Variants in FUT8 observed in about 807,000 individuals in gnomAD.
The protein encoded by FUT8 is alpha-(1,6)-fucosyltransferase.
FUT8 carries 29 observed loss-of-function variants against 71.3 expected under a neutral mutation model. The observed-to-expected ratio is 0.41, with a 90% CI of 0.30 to 0.55. The LOEUF is 0.55. Among genes scored for constraint, FUT8 ranks in the 20% least tolerant of loss-of-function variants. FUT8 has a pLI of 0.34. For synonymous variants in FUT8, 254 were observed against 239.3 expected, an observed-to-expected ratio of 1.06 and a Z score of -0.57; for missense variants, 544 against 702.1, an observed-to-expected ratio of 0.77 and a Z score of 2.55.
chr14:65,593,007 TC>T, intron 3 of FUT8, among the ~76,000 whole-genome samples: 1 of 152,310 alleles, frequency 6.6e-6, no homozygotes, highest in East Asian at 1.9e-4. Context: ...TTTCTTCACA[TC>T]CTCTGAGATC....
chr14:65,449,485 AAT>A (rs1193390052), intron 1 of FUT8, among the ~76,000 whole-genome samples: 1 of 152,152 alleles, frequency 6.6e-6, no homozygotes, highest in Non-Finnish European at 1.5e-5. Flanking sequence ...AGTCACTTAG[AAT>A]ATCAATATCA....
intron 10 of FUT8, among the ~76,000 whole-genome samples, chr14:65,737,290 G>A (rs143301870): frequency 6.6e-6 from 1 of 152,148 alleles, no homozygotes; most frequent in African/African-American, 2.4e-5. Context: ...TCAAAGCCAA[G>A]TTTGTCCTAA....
At chr14:65,508,409 GT>G (rs760808483) in intron 2 of FUT8, among the ~76,000 whole-genome samples, 10 of 114,410 alleles carry the variant, frequency 8.7e-5, no homozygotes, top group African/African-American at 2.3e-4. Context: ...TTGTATGTCT[GT>G]TTTTTTTTTG....
the FUT8 span, among the ~76,000 whole-genome samples, chr14:65,397,975 G>A: frequency 9.2e-5 from 14 of 152,256 alleles, no homozygotes; most frequent in African/African-American, 3.1e-4. The surrounding 1 kb of genome is among the most constrained non-coding windows in gnomAD (Gnocchi z 4.2). Flanking sequence ...GCCTATTGAT[G>A]CCTTAAGTAA....
rs1324830023 is a variant in FUT8 at position 65,643,663 on chromosome 14, A to AAAT, written c.597+14058_597+14059insATA. On this transcript the variant is annotated intron_variant, in intron 6 of 10. Transcript: ENST00000673929. The surrounding 1 kb of genome is among the most constrained non-coding windows in gnomAD (Gnocchi z 4.5). Reference sequence around the variant, plus strand: ...AGCGAGACTCCGTCTTTAAAAAAAAAATACACACACACACACACACACACA... The same window carrying AAAT: ...AGCGAGACTCCGTCTTTAAAAAAAAAAATATACACACACACACACACACACACA... 5.6e-5 allele frequency among the ~76,000 whole-genome samples: 3 copies of AAAT among 53,898 alleles called. No individual in the cohort carries two copies. The South Asian group carries it at 2.1e-3, about 37-fold the overall frequency. 35.4% of individuals were successfully genotyped at this position (53,898 alleles called of 152,430 possible). A position where few individuals can be genotyped will look rare whatever the true frequency, so the allele number is the denominator to read the frequency against.
intron 7 of FUT8, among the ~76,000 whole-genome samples, chr14:65,712,477 T>C (rs1468694387): frequency 6.6e-6 from 1 of 152,214 alleles, no homozygotes; most frequent in African/African-American, 2.4e-5. Flanking sequence ...GAAGTTTCGC[T>C]CTATTGCCCA....
chr14:65,685,160 C>G (rs1384556197), intron 7 of FUT8, among the ~76,000 whole-genome samples: 1 of 152,060 alleles, frequency 6.6e-6, no homozygotes, highest in Non-Finnish European at 1.5e-5. Flanking sequence ...AACAAACAAA[C>G]AAACGAACAA....
Position 65,733,220 on chromosome 14 carries a change from TA to T in FUT8, c.1260-10del. On this transcript the variant is annotated splice_polypyrimidine_tract_variant and intron_variant, in intron 9 of 10. Coordinates refer to ENST00000673929, the MANE Select transcript of FUT8 (RefSeq NM_001371533.1). Reference sequence around the variant, plus strand: ...ATCTATGACCATCTATAAATTAATTTATTTTTTCAGGTACCCCAATTATGAA... The same window carrying T: ...ATCTATGACCATCTATAAATTAATTTTTTTTTCAGGTACCCCAATTATGAA... 6.4e-7 allele frequency: 1 copy of T among 1,564,672 alleles called. No homozygotes were observed. Among genetic ancestry groups the T allele is most frequent in the African/African-American group, 1.4e-5 (1 of 73,514 alleles).
chr14:65,372,527 T>C, the FUT8 span, among the ~76,000 whole-genome samples: 3 of 151,966 alleles, frequency 2.0e-5, no homozygotes, highest in Non-Finnish European at 4.4e-5. Context: ...GTGATTCTCC[T>C]GCCTCAGCCT....
chr14:65,583,928 G>A (rs894402901), intron 3 of FUT8, among the ~76,000 whole-genome samples: 1 of 152,190 alleles, frequency 6.6e-6, no homozygotes, highest in Admixed American at 6.5e-5. Flanking sequence ...CACCCAGGCT[G>A]AAGTGCATGG....
At chr14:65,528,006 T>C (rs1883620636) in intron 2 of FUT8, among the ~76,000 whole-genome samples, 1 of 152,194 alleles carries the variant, frequency 6.6e-6, no homozygotes, top group African/African-American at 2.4e-5. Context: ...AGTGACCTAC[T>C]TGAGGAGGCA....
chr14:65,411,895 C>T (rs1385253469), upstream of FUT8: 2 of 375,976 alleles, frequency 5.3e-6, no homozygotes, highest in South Asian at 2.0e-5. Context: ...CGGCGCGCTC[C>T]GGTCCTCCCG....
chr14:65,510,077 A>G (rs1466544629), intron 2 of FUT8, among the ~76,000 whole-genome samples: 2 of 152,080 alleles, frequency 1.3e-5, no homozygotes, highest in Non-Finnish European at 2.9e-5. Context: ...GGTCTTTTGT[A>G]TATGGCTTTT....
the FUT8 span, among the ~76,000 whole-genome samples, chr14:65,364,522 GCTC>G: frequency 6.6e-6 from 1 of 152,092 alleles, no homozygotes; most frequent in Non-Finnish European, 1.5e-5. Flanking sequence ...AAAGTAAAGA[GCTC>G]CTGCTAGTGC....
chr14:65,532,058 T>C (rs1883992882), intron 2 of FUT8, among the ~76,000 whole-genome samples: 1 of 152,210 alleles, frequency 6.6e-6, no homozygotes, highest in Non-Finnish European at 1.5e-5. Flanking sequence ...TCTTTGCTAT[T>C]GCAAATAGTG....
rs547167762 is a variant in FUT8 at position 65,659,483 on chromosome 14, T to TA, written c.598-9756dup. On this transcript the variant is annotated intron_variant, in intron 6 of 10. Transcript: ENST00000673929. ...GTAACTTAAAACTCTGACTTTTATTTAAAACGAAACATTTGGAGCAGCTTT... is the reference window on the plus strand; with the variant it reads ...GTAACTTAAAACTCTGACTTTTATTTAAAAACGAAACATTTGGAGCAGCTTT... Among the ~76,000 whole-genome samples the TA allele has an allele frequency of 2.0e-4, 31 of 152,284 alleles. No individual in the cohort carries two copies. The East Asian group carries it at 6.0e-3, about 29-fold the overall frequency.
intron 7 of FUT8, among the ~76,000 whole-genome samples, chr14:65,695,499 GATA>G (rs1893947478): frequency 6.6e-6 from 1 of 152,044 alleles, no homozygotes; most frequent in African/African-American, 2.4e-5. Flanking sequence ...AGATATTGCT[GATA>G]ATTTTTCTTG....
chr14:65,414,275 T>A (rs1215485855), intron 1 of FUT8, among the ~76,000 whole-genome samples: 1 of 149,014 alleles, frequency 6.7e-6, no homozygotes, highest in Non-Finnish European at 1.5e-5. Context: ...TCATTATAGA[T>A]TTTTTTTTTC....
chr14:65,546,803 A>G (rs939420740), intron 2 of FUT8, among the ~76,000 whole-genome samples: 3 of 151,774 alleles, frequency 2.0e-5, no homozygotes, highest in Admixed American at 1.3e-4. Context: ...TATATCTACC[A>G]TGTTATGTAA....
Sources: gnomAD v4.1 joint callset for allele counts (sites outside exome capture counted in the v4.1 genomes callset) on GRCh38, gnomAD v4.1.1 for gene constraint, Gnocchi (gnomAD v3.1) non-coding constraint, MANE v1.5 for transcripts, NCBI Gene and HGNC (gene_info 2026-07-23, HGNC 2026-07-21) for gene names.